BCAR3: variants seen among roughly 807,000 people sequenced by gnomAD.
BCAR3 encodes breast cancer anti-estrogen resistance protein 3.
Under a neutral mutation model 80.1 loss-of-function variants are expected in BCAR3, and 37 were observed. That is an observed-to-expected ratio of 0.46 (90% CI 0.36 to 0.61). The LOEUF is 0.61. Ranked by LOEUF, BCAR3 falls within the 20% of genes least tolerant of loss-of-function variation. The pLI, the probability that BCAR3 is intolerant of heterozygous loss-of-function variation, is 0.00. For missense variants in BCAR3, 978 were observed against 1,068.2 expected (o/e 0.92, Z 1.18); for synonymous variants, 389 against 418.9 (o/e 0.93, Z 0.87).
intron 2 of BCAR3, among the ~76,000 whole-genome samples, chr1:93,822,584 C>G (rs543421000): frequency 5.2e-4 from 79 of 152,170 alleles, no homozygotes; most frequent in Non-Finnish European, 1.0e-3. Context: ...AGTAATCTGC[C>G]CGCCTCGGCC....
intron 2 of BCAR3, among the ~76,000 whole-genome samples, chr1:93,772,275 G>C (rs1195414077): frequency 6.6e-6 from 1 of 152,194 alleles, no homozygotes; most frequent in Non-Finnish European, 1.5e-5. Context: ...CTACAAGTTG[G>C]AGAGAGGATT....
chr1:93,703,532 A>T (rs554893934), intron 3 of BCAR3, among the ~76,000 whole-genome samples: 39 of 149,714 alleles, frequency 2.6e-4, no homozygotes, highest in African/African-American at 9.7e-4. Flanking sequence ...TTGCCACCAC[A>T]CTCCAGCCTG....
At position 93,566,269 on chromosome 1, in the gene BCAR3, C is replaced by G. The variant is rs146980228; in HGVS notation, c.2299+1010G>C. Reference sequence around the variant, plus strand: ...TGTGCCATCTGAGTGGAATTCCCAGCCCTGCTTGCTGGTAACTGCTTTTGT... The same window carrying G: ...TGTGCCATCTGAGTGGAATTCCCAGGCCTGCTTGCTGGTAACTGCTTTTGT... On this transcript the variant is annotated intron_variant, in intron 11 of 11. Coordinates refer to ENST00000260502, the MANE Select transcript of BCAR3 (RefSeq NM_003567.4). Among the ~76,000 whole-genome samples, 33 of 152,206 alleles carry G rather than the reference C, an allele frequency of 2.2e-4. 1 individual carries two copies. In the East Asian group the frequency reaches 5.8e-3, roughly 27 times the overall value.
At chr1:93,685,767 T>A (rs953456616), upstream of BCAR3, among the ~76,000 whole-genome samples, 4 of 152,172 alleles carry the variant, frequency 2.6e-5, no homozygotes, top group African/African-American at 9.7e-5. Context: ...AATGCCTATT[T>A]CCCCACAGCT....
At chr1:93,569,126 TGTTAA>T (rs1181660737) in intron 9 of BCAR3, among the ~76,000 whole-genome samples, 2 of 152,246 alleles carry the variant, frequency 1.3e-5, no homozygotes, top group African/African-American at 4.8e-5. Flanking sequence ...GGCAAGGCTA[TGTTAA>T]GTTTTCTACA....
intron 2 of BCAR3, among the ~76,000 whole-genome samples, chr1:93,751,944 G>A (rs4281327): frequency 0.12 from 17,821 of 152,230 alleles, 1,467 homozygotes; most frequent in African/African-American, 0.22. Flanking sequence ...CCAGATAGAC[G>A]CATGTGATTT....
At chr1:93,584,171 A>T in intron 5 of BCAR3, 50 bp from the exon 6 acceptor site, 1 of 1,559,768 alleles carries the variant, frequency 6.4e-7, no homozygotes, top group Non-Finnish European at 8.7e-7. Context: ...CGTGTAAAAT[A>T]AAACTTTTAG....
chr1:93,714,834 C>T (rs1650143434), intron 2 of BCAR3, among the ~76,000 whole-genome samples: 1 of 152,144 alleles, frequency 6.6e-6, no homozygotes, highest in African/African-American at 2.4e-5. Flanking sequence ...ATAATAGTCT[C>T]ATCCGTGACT....
intron 3 of BCAR3, among the ~76,000 whole-genome samples, chr1:93,620,509 G>C (rs1442735825): frequency 6.6e-6 from 1 of 152,074 alleles, no homozygotes; most frequent in Non-Finnish European, 1.5e-5. Flanking sequence ...AATCTGACTG[G>C]GGATCCTGTG....
intron 2 of BCAR3, among the ~76,000 whole-genome samples, chr1:93,707,195 A>G (rs974461013): frequency 6.6e-6 from 1 of 152,196 alleles, no homozygotes; most frequent in Admixed American, 6.5e-5. Flanking sequence ...AAAAAAGTAT[A>G]CAGTTTAAAA....
intron 2 of BCAR3, among the ~76,000 whole-genome samples, chr1:93,769,996 CT>C (rs1652298853): frequency 6.6e-6 from 1 of 152,174 alleles, no homozygotes; most frequent in Non-Finnish European, 1.5e-5. Context: ...TCCCCTCTGT[CT>C]TCCCTGGGGA....
intron 2 of BCAR3, among the ~76,000 whole-genome samples, chr1:93,817,956 C>A (rs575931845): frequency 6.6e-6 from 1 of 152,306 alleles, no homozygotes; most frequent in South Asian, 2.1e-4. Flanking sequence ...CTCCCCGCCG[C>A]CCCACACCAC....
chr1:93,654,153 C>T (rs1288887122), intron 2 of BCAR3, among the ~76,000 whole-genome samples: 1 of 152,142 alleles, frequency 6.6e-6, no homozygotes, highest in Non-Finnish European at 1.5e-5. Flanking sequence ...AATTCCTATC[C>T]CCTAGCTACT....
chr1:93,568,078 C>T (rs1406439622), intron 9 of BCAR3: 12 of 406,464 alleles, frequency 3.0e-5, no homozygotes, highest in African/African-American at 8.2e-5. Flanking sequence ...CCCAGCTACT[C>T]GGGAGGTTGA....
At chr1:93,817,522 C>T (rs562244179) in intron 2 of BCAR3, among the ~76,000 whole-genome samples, 1 of 152,296 alleles carries the variant, frequency 6.6e-6, no homozygotes, top group South Asian at 2.1e-4. Flanking sequence ...AGTTGAGTGT[C>T]GTGACCTTTC....
At chr1:93,615,823 T>A (rs1331085369) in intron 3 of BCAR3, among the ~76,000 whole-genome samples, 1 of 152,142 alleles carries the variant, frequency 6.6e-6, no homozygotes, top group South Asian at 2.1e-4. Flanking sequence ...CATTTTCACC[T>A]GGTATTCTCC....
At chr1:93,823,212 T>A (rs1393607683) in intron 2 of BCAR3, among the ~76,000 whole-genome samples, 1 of 133,954 alleles carries the variant, frequency 7.5e-6, no homozygotes, top group Admixed American at 7.7e-5. Flanking sequence ...TTCCCCAGGT[T>A]TCTTGCTGGG....
rs1264784474 is a variant in BCAR3, at chr1:93,619,611, T to A, written c.357+22693A>T. 2.0e-5 allele frequency among the ~76,000 whole-genome samples: 3 copies of A among 152,316 alleles called. No individual in the cohort carries two copies. The South Asian group carries it at 6.2e-4, about 32-fold the overall frequency. On this transcript the variant is annotated intron_variant, in intron 3 of 11. Transcript: ENST00000260502. ...AGGCATGAGCTATGTAAGCAACTAA[T>A]AGGCAACGACCACAAAGCCCTTCAG...
intron 2 of BCAR3, among the ~76,000 whole-genome samples, chr1:93,708,994 C>A (rs566683302): frequency 1.3e-3 from 202 of 152,250 alleles, no homozygotes; most frequent in African/African-American, 4.8e-3. Context: ...ACTTTCATAT[C>A]AGGAGAGTCG....
Sources: gnomAD v4.1 joint callset for allele counts (sites outside exome capture counted in the v4.1 genomes callset) on GRCh38, gnomAD v4.1.1 for gene constraint, MANE v1.5 for transcripts, NCBI Gene and HGNC (gene_info 2026-07-23, HGNC 2026-07-21) for gene names.